The following RAD54L2 variants were observed in gnomAD, a reference collection of about 807,000 sequenced individuals.
RAD54L2 encodes the protein RAD54 like 2.
A neutral mutation model predicts 138.4 loss-of-function variants in RAD54L2; 27 were observed. The observed-to-expected ratio is 0.20, with a 90% CI of 0.14 to 0.27. The LOEUF is 0.27. Ranked by LOEUF, RAD54L2 falls within the 10% of genes least tolerant of loss-of-function variation. The pLI is 1.00. For missense variants in RAD54L2, 1,396 were observed against 1,890.2 expected (o/e 0.74, Z 4.85); for synonymous variants, 644 against 723.2 (o/e 0.89, Z 1.76).
chr3:51,612,142 G>A (rs902339248), intron 3 of RAD54L2, among the ~76,000 whole-genome samples: 4 of 152,182 alleles, frequency 2.6e-5, no homozygotes, highest in African/African-American at 9.7e-5. Context: ...GAAGTTGAGT[G>A]ATTGGAGAAA....
At chr3:51,622,287 A>G (rs1700582836) in intron 3 of RAD54L2, among the ~76,000 whole-genome samples, 1 of 152,176 alleles carries the variant, frequency 6.6e-6, no homozygotes, top group African/African-American at 2.4e-5. Context: ...GAACATGTCC[A>G]TGAACCAAGG....
At chr3:51,542,379 T>C (rs180909275) in intron 2 of RAD54L2, among the ~76,000 whole-genome samples, 1 of 152,194 alleles carries the variant, frequency 6.6e-6, no homozygotes, top group East Asian at 1.9e-4. Context: ...TCAAGTTTCC[T>C]TGTCTGGTGA....
chr3:51,608,156 G>A (rs1421684654), intron 3 of RAD54L2, among the ~76,000 whole-genome samples: 8 of 151,640 alleles, frequency 5.3e-5, no homozygotes, highest in Admixed American at 1.3e-4. Context: ...ACGAGGTGGC[G>A]GCGGGGCAGA....
At position 51,611,561 on chromosome 3, in the gene RAD54L2, C is replaced by CT. The variant is rs558582178; in HGVS notation, c.140-15979dup. 4.5e-3 allele frequency: 646 copies of CT among 143,344 alleles called. 3 individuals carry two copies. The highest frequency in any genetic ancestry group is 7.9e-3 in the South Asian group (35 of 4,450). 8.9% of individuals were successfully genotyped at this position (143,344 alleles called of 1,614,324 possible). On this transcript the variant is annotated intron_variant, in intron 3 of 22. Transcript: ENST00000684192. Reference sequence around the variant, plus strand: ...TTAACCTTTTCTCCTTTCTTTCTTTCTTTTTTTTTTTTTGATTGAGATGGA... The same window carrying CT: ...TTAACCTTTTCTCCTTTCTTTCTTTCTTTTTTTTTTTTTTGATTGAGATGGA...
chr3:51,591,276 C>A (rs1699833733), intron 3 of RAD54L2, among the ~76,000 whole-genome samples: 1 of 152,152 alleles, frequency 6.6e-6, no homozygotes. Context: ...TCAATTAATT[C>A]CAGCCTTTTA....
intron 3 of RAD54L2, among the ~76,000 whole-genome samples, chr3:51,609,275 C>G (rs1176276951): frequency 6.6e-6 from 1 of 152,208 alleles, no homozygotes; most frequent in Non-Finnish European, 1.5e-5. Context: ...TTTCAACTAA[C>G]GAGATAGGTC....
chr3:51,556,523 C>T (rs573887492), intron 2 of RAD54L2, among the ~76,000 whole-genome samples: 1 of 152,200 alleles, frequency 6.6e-6, no homozygotes, highest in South Asian at 2.1e-4. Flanking sequence ...GCTGGGATTA[C>T]AGGTGTGGGC....
intron 2 of RAD54L2, among the ~76,000 whole-genome samples, chr3:51,542,380 T>A (rs559398630): frequency 6.6e-6 from 1 of 152,160 alleles, no homozygotes; most frequent in Non-Finnish European, 1.5e-5. Context: ...CAAGTTTCCT[T>A]GTCTGGTGAG....
intron 3 of RAD54L2, among the ~76,000 whole-genome samples, chr3:51,613,188 C>T (rs1374165919): frequency 3.3e-5 from 5 of 152,028 alleles, no homozygotes; most frequent in African/African-American, 4.8e-5. Flanking sequence ...CCACCCGCCT[C>T]GGCCTCCCAA....
chr3:51,621,124 C>A (rs1559639582), intron 3 of RAD54L2, among the ~76,000 whole-genome samples: 10 of 152,034 alleles, frequency 6.6e-5, no homozygotes. Context: ...AAAGGTATAG[C>A]ATCTATTATA....
chr3:51,644,246 A>G (rs1444006560), intron 16 of RAD54L2, among the ~76,000 whole-genome samples: 1 of 151,984 alleles, frequency 6.6e-6, no homozygotes, highest in Non-Finnish European at 1.5e-5. Flanking sequence ...GATTGCTTGA[A>G]CCCAGGGGTT....
At chr3:51,562,502 T>C (rs1378369490) in intron 2 of RAD54L2, among the ~76,000 whole-genome samples, 2 of 152,066 alleles carry the variant, frequency 1.3e-5, no homozygotes, top group Admixed American at 6.6e-5. Context: ...AGTGCTGGGA[T>C]TATAGGCGTG....
intron 2 of RAD54L2, among the ~76,000 whole-genome samples, chr3:51,580,972 C>T (rs181570584): frequency 6.6e-6 from 1 of 152,232 alleles, no homozygotes; most frequent in East Asian, 1.9e-4. Flanking sequence ...CATCCATTAA[C>T]ACTTTTATTT....
chr3:51,568,396 A>G (rs1329457558), intron 2 of RAD54L2, among the ~76,000 whole-genome samples: 1 of 152,210 alleles, frequency 6.6e-6, no homozygotes, highest in Non-Finnish European at 1.5e-5. Context: ...ACTAGGTCAC[A>G]AGAATGTTTA....
intron 2 of RAD54L2, among the ~76,000 whole-genome samples, chr3:51,543,370 AGGCCAAGGCG>A (rs1698604763): frequency 6.6e-6 from 1 of 152,158 alleles, no homozygotes; most frequent in South Asian, 2.1e-4. Context: ...GCACTTTGGC[AGGCCAAGGCG>A]GGCGGATCAC....
intron 15 of RAD54L2, among the ~76,000 whole-genome samples, chr3:51,643,143 C>A (rs1292873835): frequency 6.9e-6 from 1 of 145,168 alleles, no homozygotes; most frequent in Non-Finnish European, 1.5e-5. Context: ...TCAAGTGATT[C>A]TCCTGCCTCA....
intron 1 of RAD54L2, chr3:51,541,331 G>C (rs1023359125): frequency 6.6e-6 from 1 of 152,142 alleles, no homozygotes; most frequent in African/African-American, 2.4e-5. Flanking sequence ...CATCTCCATG[G>C]AAAAAGTTTA....
At chr3:51,549,544 G>A (rs143178263) in intron 2 of RAD54L2, among the ~76,000 whole-genome samples, 36 of 152,102 alleles carry the variant, frequency 2.4e-4, no homozygotes, top group Non-Finnish European at 4.7e-4. Context: ...AGGGCGGGGC[G>A]GTGGAGGGAA....
At chr3:51,553,199 T>C (rs938791200) in intron 2 of RAD54L2, among the ~76,000 whole-genome samples, 6 of 152,114 alleles carry the variant, frequency 3.9e-5, no homozygotes, top group Non-Finnish European at 2.9e-5. Context: ...TGCCTCAGCC[T>C]CCCAAGTAGC....
Sources: gnomAD v4.1 joint callset for allele counts (sites outside exome capture counted in the v4.1 genomes callset) on GRCh38, gnomAD v4.1.1 for gene constraint, MANE v1.5 for transcripts, NCBI Gene and HGNC (gene_info 2026-07-23, HGNC 2026-07-21) for gene names.